ATP6V1B1: variants seen among roughly 807,000 people sequenced by gnomAD.
ATP6V1B1 encodes V-type proton ATPase subunit B, kidney isoform.
ATP6V1B1 carries 41 observed loss-of-function variants against 62.1 expected under a neutral mutation model. That is an observed-to-expected ratio of 0.66 (90% confidence interval 0.51 to 0.86). The LOEUF (loss-of-function observed/expected upper bound fraction) is 0.86, where lower values mean the gene tolerates loss of function less well. Ranked by LOEUF, ATP6V1B1 falls within the 40% of genes least tolerant of loss-of-function variation. The pLI is 0.00. For missense variants in ATP6V1B1, 651 were observed against 697.5 expected, an observed-to-expected ratio of 0.93 and a Z score of 0.75; for synonymous variants, 253 against 273.4, an observed-to-expected ratio of 0.93 and a Z score of 0.74.
intron 2 of ATP6V1B1, among the ~76,000 whole-genome samples, chr2:70,944,710 C>A (rs1680107479): frequency 6.6e-6 from 1 of 151,186 alleles, no homozygotes; most frequent in Non-Finnish European, 1.5e-5. Context: ...ACTCTGTCCC[C>A]CAGGCTGGAG....
At position 70,959,912 on chromosome 2, in the gene ATP6V1B1, C is replaced by G; in HGVS notation, c.446-27C>G. On this transcript the variant is annotated intron_variant, in intron 5 of 13. Coordinates refer to ENST00000234396, the MANE Select transcript of ATP6V1B1 (RefSeq NM_001692.4). This position sits in a 1 kb window ranked among gnomAD's most constrained non-coding sequence, Gnocchi z 4.2. ...GCAGGGAAGGGTTTGAACCCCTGAG[C>G]ATGGCTCTGTGATCGCCCTCTCCCA... 1 of 1,614,090 alleles carries G rather than the reference C, an allele frequency of 6.2e-7. No individual in the cohort carries two copies. Among genetic ancestry groups the G allele is most frequent in the Non-Finnish European group, 8.5e-7 (1 of 1,180,020 alleles).
At chr2:70,957,985 G>C in intron 2 of ATP6V1B1, 61 bp from the exon 3 acceptor site, 7 of 1,490,518 alleles carry the variant, frequency 4.7e-6, no homozygotes, top group Non-Finnish European at 6.5e-6. Flanking sequence ...GAGGGCCGGA[G>C]GAGGAGAAGG....
In ATP6V1B1 at chr2:70,959,592, T is replaced by A. The variant is rs1553419667; in HGVS notation, c.446-347T>A. 6.6e-6 allele frequency among the ~76,000 whole-genome samples: 1 copy of A among 152,138 alleles called. No individual in the cohort carries two copies. Among genetic ancestry groups the A allele is most frequent in the East Asian group, 1.9e-4 (1 of 5,180 alleles). The stretch of plus-strand genomic sequence containing the variant: ...TGAACCCTGCACTAGTATCTGGAGG[T>A]GGTGATGAGGGCTCTGCCCTCTTGG... On this transcript the variant is annotated intron_variant, in intron 5 of 13. Transcript: ENST00000234396. The surrounding 1 kb of genome is among the most constrained non-coding windows in gnomAD (Gnocchi z 4.2).
rs782572595 is a variant in ATP6V1B1 at position 70,936,026 on chromosome 2, A to G, written c.72A>G (p.Glu24=). ...GSSCNLGAAR[E]HMQAVTRNYI... ...GCTGCAACCTAGGTGCAGCCCGAGA[A>G]CACATGCAGGCGGTCACCCGAAACT... Residue 24 remains glutamate (E), a synonymous_variant, in exon 1 of 14, where the codon GAA becomes GAG. Transcript: ENST00000234396. The G allele has an allele frequency of 6.2e-7, 1 of 1,613,954 alleles. No homozygotes were observed. Among genetic ancestry groups the G allele is most frequent in the Non-Finnish European group, 8.5e-7 (1 of 1,179,906 alleles).
At chr2:70,948,166 ACCACTCTCCTCT>A (rs1216811823) in intron 2 of ATP6V1B1, 2 of 152,018 alleles carry the variant, frequency 1.3e-5, no homozygotes, top group African/African-American at 4.8e-5. Context: ...CACAGAACGC[ACCACTCTCCTCT>A]CCACTCTCCT....
At chr2:70,945,701 G>GATATATATATATATATATAT (rs35710919) in intron 2 of ATP6V1B1, among the ~76,000 whole-genome samples, 4 of 83,018 alleles carry the variant, frequency 4.8e-5, no homozygotes, top group African/African-American at 1.4e-4. Context: ...TATTTGAAGA[G>GATATATATATATATATATAT]ATATATATAT....
intron 6 of ATP6V1B1, 84 bp from the exon 7 acceptor site, chr2:70,960,837 C>G (rs1553419907): frequency 1.7e-6 from 2 of 1,207,284 alleles, no homozygotes; most frequent in South Asian, 2.6e-5. Flanking sequence ...TCCCTCCCAC[C>G]AAAGGCCATG....
At position 70,943,369 on chromosome 2, in the gene ATP6V1B1, C is replaced by G; in HGVS notation, c.119-289C>G. 5 of 582,070 alleles carry G rather than the reference C, an allele frequency of 8.6e-6. No individual in the cohort carries two copies. The South Asian group carries it at 9.6e-5, about 11-fold the overall frequency. The allele number at this position is 582,070 out of a possible 1,614,324, so 36.1% of individuals were successfully genotyped here. The stretch of plus-strand genomic sequence containing the variant: ...GGGTTGAAGCCAGAGGGGAAGCAGC[C>G]TCAGGGATGAGAGGCCTCTGTGTGG... On this transcript the variant is annotated intron_variant, in intron 1 of 13. Transcript: ENST00000234396.
At chr2:70,958,985 G>A (rs782599375) in intron 4 of ATP6V1B1, 33 bp from the exon 5 acceptor site, 5 of 1,609,260 alleles carry the variant, frequency 3.1e-6, no homozygotes, top group Admixed American at 3.3e-5. Context: ...GGGCTAGCCT[G>A]AGCACCCTGC....
At chr2:70,952,087 G>A (rs1680334355) in intron 2 of ATP6V1B1, among the ~76,000 whole-genome samples, 1 of 152,148 alleles carries the variant, frequency 6.6e-6, no homozygotes, top group Admixed American at 6.5e-5. Flanking sequence ...CCATGTACAA[G>A]GATGTTGATG....
intron 6 of ATP6V1B1, 141 bp downstream of exon 6, chr2:70,960,219 G>C: frequency 7.7e-7 from 1 of 1,306,728 alleles, no homozygotes; most frequent in South Asian, 1.4e-5. Context: ...ACTGGCAGCT[G>C]TCCCTGGGCA....
intron 2 of ATP6V1B1, among the ~76,000 whole-genome samples, chr2:70,946,781 T>C (rs1322532174): frequency 1.3e-5 from 2 of 152,196 alleles, no homozygotes; most frequent in African/African-American, 4.8e-5. Context: ...CCATTCTCCA[T>C]GGGACCCAGT....
In ATP6V1B1 at chr2:70,963,939, G is replaced by T. The variant is rs1680650001; in HGVS notation, c.1143+285G>T. The stretch of plus-strand genomic sequence containing the variant: ...AAATATATCACCCAGACGCATTGTG[G>T]AGGATAAAAATAAGTTGGCATATAG... On this transcript the variant is annotated intron_variant, in intron 11 of 13. Coordinates refer to ENST00000234396, the MANE Select transcript of ATP6V1B1 (RefSeq NM_001692.4). The surrounding 1 kb of genome is among the most constrained non-coding windows in gnomAD (Gnocchi z 4.3). 2 of 525,700 alleles carry T rather than the reference G, an allele frequency of 3.8e-6. No individual in the cohort carries two copies. The highest frequency in any genetic ancestry group is 6.9e-6 in the Non-Finnish European group (2 of 290,014). 32.6% of individuals were successfully genotyped at this position (525,700 alleles called of 1,614,324 possible).
At chr2:70,946,529 A>C (rs1680178741) in intron 2 of ATP6V1B1, among the ~76,000 whole-genome samples, 2 of 152,242 alleles carry the variant, frequency 1.3e-5, no homozygotes, top group Non-Finnish European at 2.9e-5. Flanking sequence ...CAAGCCTTCC[A>C]GGTGAACTGA....
In ATP6V1B1 at chr2:70,964,561, G is replaced by A. The variant is rs782404567; in HGVS notation, c.1248+19G>A. On this transcript the variant is annotated intron_variant, in intron 12 of 13. Coordinates refer to ENST00000234396, the MANE Select transcript of ATP6V1B1 (RefSeq NM_001692.4). ...CCAGCTGGTAAGGAGAAGAGGGTCC[G>A]GGGGCTGGTAGGTCCTCTAGTTTCC... 1.1e-5 allele frequency: 17 copies of A among 1,612,264 alleles called. No individual in the cohort carries two copies. Among genetic ancestry groups the A allele is most frequent in the East Asian group, 2.2e-5 (1 of 44,846 alleles).
At chr2:70,937,820 C>A (rs1679895631) in intron 1 of ATP6V1B1, among the ~76,000 whole-genome samples, 1 of 152,104 alleles carries the variant, frequency 6.6e-6, no homozygotes, top group African/African-American at 2.4e-5. Context: ...CAGGTTGGCC[C>A]AAGCCTGGAG....
chr2:70,938,217 G>A (rs781826189), intron 1 of ATP6V1B1, among the ~76,000 whole-genome samples: 11 of 152,000 alleles, frequency 7.2e-5, no homozygotes, highest in Admixed American at 6.5e-5. Context: ...TCCCCTCCCC[G>A]CCTCACTCAC....
intron 2 of ATP6V1B1, chr2:70,956,288 T>G (rs1464930269): frequency 1.1e-5 from 2 of 175,808 alleles, no homozygotes; most frequent in Non-Finnish European, 2.7e-5. Flanking sequence ...AAGTTTTTCA[T>G]TAGCCCCACA....
chr2:70,950,654 C>G (rs998328479), intron 2 of ATP6V1B1, among the ~76,000 whole-genome samples: 1 of 152,036 alleles, frequency 6.6e-6, no homozygotes, highest in African/African-American at 2.4e-5. Flanking sequence ...TATAAACAGC[C>G]AAATTATCTT....
Sources: allele counts gnomAD v4.1 joint callset (sites outside exome capture counted in the v4.1 genomes callset), GRCh38; gene constraint gnomAD v4.1.1; non-coding constraint Gnocchi (gnomAD v3.1); transcripts MANE v1.5; gene names NCBI Gene and HGNC (gene_info 2026-07-23, HGNC 2026-07-21).